The following ASCC1 variants were observed in gnomAD, a reference collection of about 807,000 sequenced individuals.
ASCC1 encodes the protein activating signal cointegrator 1 complex subunit 1.
Under a neutral mutation model 46.6 loss-of-function variants are expected in ASCC1, and 35 were observed. The observed-to-expected ratio is 0.75, with a 90% CI of 0.57 to 0.99. The LOEUF is 0.99. Ranked by LOEUF, ASCC1 falls within the 50% of genes least tolerant of loss-of-function variation. The pLI is 0.00. For synonymous variants in ASCC1, 143 were observed against 146.6 expected (o/e 0.98, Z 0.18); for missense variants, 376 against 428.7 (o/e 0.88, Z 1.09).
chr10:72,140,584 T>C (rs760427241), intron 7 of ASCC1, among the ~76,000 whole-genome samples: 1 of 152,234 alleles, frequency 6.6e-6, no homozygotes, highest in Non-Finnish European at 1.5e-5. Context: ...TGCAGAAATA[T>C]ATGTGTAATG....
intron 5 of ASCC1, among the ~76,000 whole-genome samples, chr10:72,163,881 T>C (rs1299773600): frequency 6.6e-6 from 1 of 152,204 alleles, no homozygotes; most frequent in Admixed American, 6.5e-5. Flanking sequence ...GTATTCAATG[T>C]TGTGCAACCA....
intron 5 of ASCC1, 106 bp from the exon 6 acceptor site, chr10:72,161,780 T>C (rs1368231140): frequency 1.8e-5 from 25 of 1,375,554 alleles, no homozygotes; most frequent in Middle Eastern, 3.9e-4. Context: ...AGCCAAGTGA[T>C]TTTCCACAAG....
chr10:72,152,732 T>TAA (rs200992686), intron 7 of ASCC1, 137 bp downstream of exon 7: 3 of 1,070,482 alleles, frequency 2.8e-6, no homozygotes, highest in African/African-American at 1.6e-5. Flanking sequence ...AACTTACTAT[T>TAA]AAAAAAAAAG....
Position 72,195,622 on chromosome 10 carries a change from G to A in ASCC1, c.489+1189C>T, listed in dbSNP as rs140322008. ...CCCAGGCCGGCATGCAATGAAGTCA[G>A]GAGTTCGAGACTGACCAGCCTGACC... On this transcript the variant is annotated intron_variant, in intron 5 of 9. Transcript: ENST00000672957. Among the ~76,000 whole-genome samples the A allele has an allele frequency of 1.1e-4, 16 of 151,184 alleles. No individual in the cohort carries two copies. The East Asian group carries it at 3.1e-3, about 29-fold the overall frequency.
rs139976873 is a variant in ASCC1 at position 72,097,408 on chromosome 10, T to C, written c.1000A>G (p.Ile334Val). The change falls in exon 10 of 10, where the codon ATT becomes GTT. Residue 334 changes from isoleucine (I) to valine (V), a missense_variant. Ile to Val is a conservative substitution (Grantham distance 29). Coordinates refer to ENST00000672957, the MANE Select transcript of ASCC1 (RefSeq NM_001198800.3). Reference protein sequence around the residue: ...FYFGSLKLNSIHISQRFTVDS... With the variant: ...FYFGSLKLNSVHISQRFTVDS... ...ACGGTGAACCTCTGAGAGATGTGAA[T>C]TGAATTCAGCTTTAGGGAGCCAAAG... The C allele has an allele frequency of 3.5e-5, 56 of 1,614,050 alleles. No individual in the cohort carries two copies. Among genetic ancestry groups the C allele is most frequent in the African/African-American group, 2.8e-4 (21 of 75,060 alleles).
At chr10:72,145,844 T>C (rs1365864544) in intron 7 of ASCC1, among the ~76,000 whole-genome samples, 5 of 152,310 alleles carry the variant, frequency 3.3e-5, no homozygotes, top group Non-Finnish European at 7.4e-5. Context: ...TGGGATACAG[T>C]AGGCTTTCAA....
Position 72,208,316 on chromosome 10 carries a change from A to ATT in ASCC1, c.212+2414_212+2415dup, listed in dbSNP as rs10708653. Reference sequence around the variant, plus strand: ...ATTCACACCAAGACCTGTTACACTGATTTTTTTTTTTTTTTTCCAGGAAAC... The same window carrying ATT: ...ATTCACACCAAGACCTGTTACACTGATTTTTTTTTTTTTTTTTTCCAGGAAAC... On this transcript the variant is annotated intron_variant, in intron 3 of 9. Coordinates refer to ENST00000672957, the MANE Select transcript of ASCC1 (RefSeq NM_001198800.3). Among the ~76,000 whole-genome samples, 293 of 143,680 alleles carry ATT rather than the reference A, an allele frequency of 2.0e-3. 2 individuals are homozygous for ATT. Among genetic ancestry groups the ATT allele is most frequent in the Middle Eastern group, 0.011 (3 of 276 alleles). 94.3% of individuals were successfully genotyped at this position (143,680 alleles called of 152,430 possible). A position where few individuals can be genotyped will look rare whatever the true frequency, so the allele number is the denominator to read the frequency against.
intron 7 of ASCC1, among the ~76,000 whole-genome samples, chr10:72,136,974 T>C (rs1277637202): frequency 6.6e-6 from 1 of 150,510 alleles, no homozygotes; most frequent in Non-Finnish European, 1.5e-5. Flanking sequence ...CTTTAAGAAC[T>C]GTAACACTCA....
At chr10:72,183,289 C>T (rs1186322477) in intron 5 of ASCC1, among the ~76,000 whole-genome samples, 2 of 152,172 alleles carry the variant, frequency 1.3e-5, no homozygotes, top group African/African-American at 2.4e-5. Flanking sequence ...GTGATCCACC[C>T]ACCTCAGCCT....
rs753419523 is a variant in ASCC1, at chr10:72,196,917, C to A, written c.383G>T (p.Arg128Leu). 1 of 1,613,462 alleles carries A rather than the reference C, an allele frequency of 6.2e-7. No homozygotes were observed. Among genetic ancestry groups the A allele is most frequent in the East Asian group, 2.2e-5 (1 of 44,888 alleles). Residue 128 changes from arginine (R) to leucine (L), a missense_variant, in exon 5 of 10, where the codon CGA becomes CTA. Physicochemically the swap from Arg to Leu is moderately radical, Grantham distance 102. Transcript: ENST00000672957. ...GAAGTGAGTGAAGGGCTGCTTTCTT[C>A]GAAAAGTGTCCAAAAGAACATCAAT... Reference protein sequence around the residue: ...TRIDVLLDTFRRKQPFTHFLA... With the variant: ...TRIDVLLDTFLRKQPFTHFLA...
At chr10:72,165,881 T>C (rs2132750405) in intron 5 of ASCC1, among the ~76,000 whole-genome samples, 1 of 152,320 alleles carries the variant, frequency 6.6e-6, no homozygotes, top group Non-Finnish European at 1.5e-5. Flanking sequence ...CAAACTACAA[T>C]TGAGAACTGC....
chr10:72,131,105 A>G (rs995722998), intron 8 of ASCC1, among the ~76,000 whole-genome samples: 11 of 152,196 alleles, frequency 7.2e-5, no homozygotes, highest in Non-Finnish European at 1.6e-4. Flanking sequence ...TTCCTGTACT[A>G]CTACTCCCCG....
At chr10:72,215,539 C>A (rs1402371546) in intron 1 of ASCC1, among the ~76,000 whole-genome samples, 2 of 152,152 alleles carry the variant, frequency 1.3e-5, no homozygotes, top group African/African-American at 4.8e-5. Context: ...GATGACATCA[C>A]AACCCAGTGG....
intron 9 of ASCC1, among the ~76,000 whole-genome samples, chr10:72,122,721 T>C (rs1844354668): frequency 6.6e-6 from 1 of 152,052 alleles, no homozygotes; most frequent in African/African-American, 2.4e-5. Flanking sequence ...GAGGCTGCGA[T>C]GAGCTATGAT....
At chr10:72,209,708 C>T (rs940580736) in intron 3 of ASCC1, among the ~76,000 whole-genome samples, 2 of 152,146 alleles carry the variant, frequency 1.3e-5, no homozygotes, top group African/African-American at 4.8e-5. Flanking sequence ...GGCTTGAACC[C>T]TGAGGGCGGA....
intron 6 of ASCC1, among the ~76,000 whole-genome samples, chr10:72,154,774 G>C (rs1848755095): frequency 6.6e-6 from 1 of 152,138 alleles, no homozygotes; most frequent in Non-Finnish European, 1.5e-5. Flanking sequence ...TTACAGGCGT[G>C]AGCCACTGCA....
At chr10:72,209,309 C>T (rs148380913) in intron 3 of ASCC1, among the ~76,000 whole-genome samples, 1 of 152,058 alleles carries the variant, frequency 6.6e-6, no homozygotes, top group Non-Finnish European at 1.5e-5. Flanking sequence ...CATAGTAAAA[C>T]CCCATCTCTA....
At chr10:72,100,280 G>A (rs937631908) in intron 9 of ASCC1, among the ~76,000 whole-genome samples, 4 of 150,946 alleles carry the variant, frequency 2.6e-5, no homozygotes, top group African/African-American at 9.8e-5. Flanking sequence ...CCCGGCTGGA[G>A]TGCAGTGGCG....
intron 9 of ASCC1, among the ~76,000 whole-genome samples, chr10:72,098,278 C>G (rs1334219179): frequency 1.3e-5 from 2 of 152,146 alleles, no homozygotes; most frequent in African/African-American, 4.8e-5. Flanking sequence ...GAATAAGGAG[C>G]GTCAAAGAGT....
Sources: allele counts gnomAD v4.1 joint callset (sites outside exome capture counted in the v4.1 genomes callset), GRCh38; gene constraint gnomAD v4.1.1; transcripts MANE v1.5; gene names NCBI Gene and HGNC (gene_info 2026-07-23, HGNC 2026-07-21).